Variants in CABLES2 observed in about 807,000 individuals in gnomAD.
CABLES2 encodes CDK5 and ABL1 enzyme substrate 2.
Under a neutral mutation model 44.8 loss-of-function variants are expected in CABLES2, and 35 were observed. That is an observed-to-expected ratio of 0.78 (90% CI 0.60 to 1.04). The LOEUF is 1.04. CABLES2 is among the 50% of genes least tolerant of loss of function. The probability of loss-of-function intolerance (pLI) is 0.00; values close to 1 mark genes in which losing one functional copy is unlikely to be tolerated. For synonymous variants in CABLES2, 282 were observed against 281.1 expected (o/e 1.00, Z -0.03); for missense variants, 566 against 615.7 (o/e 0.92, Z 0.85).
rs1362741430 is a variant in CABLES2 at position 62,398,351 on chromosome 20, A to G, written c.363-1759T>C. On this transcript the variant is annotated intron_variant, in intron 1 of 9. Coordinates refer to ENST00000279101, the MANE Select transcript of CABLES2 (RefSeq NM_031215.3). The stretch of plus-strand genomic sequence containing the variant: ...GGTGACGATGGTGGTGATGGTGATG[A>G]CGGTGGTGATGGCGGTGGTGGTAAT... 1.8e-4 allele frequency among the ~76,000 whole-genome samples: 26 copies of G among 141,624 alleles called. 1 individual carries two copies. The highest frequency in any genetic ancestry group is 1.1e-4 in the Non-Finnish European group (7 of 64,480). 92.9% of individuals were successfully genotyped at this position (141,624 alleles called of 152,430 possible). A position where few individuals can be genotyped will look rare whatever the true frequency, so the allele number is the denominator to read the frequency against.
intron 1 of CABLES2, among the ~76,000 whole-genome samples, chr20:62,406,696 C>T (rs889223199): frequency 9.9e-5 from 5 of 50,722 alleles, no homozygotes; most frequent in African/African-American, 6.5e-4. Context: ...GGGCTCAGGT[C>T]ACCTGAACCT....
rs1047227927 is a variant in CABLES2 at position 62,396,862 on chromosome 20, A to G, written c.363-270T>C. ...AGGCTCCTCAGGCATAGGATAGCACAGCACAGCACAGCACGCCAACCTGCC... is the reference window on the plus strand; with the variant it reads ...AGGCTCCTCAGGCATAGGATAGCACGGCACAGCACAGCACGCCAACCTGCC... On this transcript the variant is annotated intron_variant, in intron 1 of 9. Coordinates refer to ENST00000279101, the MANE Select transcript of CABLES2 (RefSeq NM_031215.3). This position sits in a 1 kb window ranked among gnomAD's most constrained non-coding sequence, Gnocchi z 5.7. Among the ~76,000 whole-genome samples, 2 of 152,072 alleles carry G rather than the reference A, an allele frequency of 1.3e-5. No individual in the cohort carries two copies.
At chr20:62,401,419 C>T (rs984597457) in intron 1 of CABLES2, among the ~76,000 whole-genome samples, 3 of 152,184 alleles carry the variant, frequency 2.0e-5, no homozygotes, top group Admixed American at 1.3e-4. Flanking sequence ...GCTGACGGGA[C>T]GGGCACTGGC....
At position 62,397,978 on chromosome 20, in the gene CABLES2, T is replaced by C. The variant is rs1376668139; in HGVS notation, c.363-1386A>G. 2.4e-3 allele frequency among the ~76,000 whole-genome samples: 264 copies of C among 112,198 alleles called. 1 individual carries two copies. The highest frequency in any genetic ancestry group is 0.011 in the African/African-American group (248 of 23,548). 73.6% of individuals were successfully genotyped at this position (112,198 alleles called of 152,430 possible). On this transcript the variant is annotated intron_variant, in intron 1 of 9. Coordinates refer to ENST00000279101, the MANE Select transcript of CABLES2 (RefSeq NM_031215.3). ...GTGGTGGTGATGGTGGTGACAGTGG[T>C]GATGGCGGTGGTGGTGATGATGGTG... is the stretch of plus-strand genomic sequence containing the variant.
rs1185111936 is a variant in CABLES2 at position 62,393,497 on chromosome 20, G to A, written c.823C>T (p.Pro275Ser). 4 of 1,613,192 alleles carry A rather than the reference G, an allele frequency of 2.5e-6. No individual in the cohort carries two copies. Among genetic ancestry groups the A allele is most frequent in the Admixed American group, 1.7e-5 (1 of 59,920 alleles). Residue 275 changes from proline (P) to serine (S), a missense_variant, in exon 6 of 10, where the codon CCA becomes TCA. By Grantham distance (74) the Pro-to-Ser change is moderately conservative. Coordinates refer to ENST00000279101, the MANE Select transcript of CABLES2 (RefSeq NM_031215.3). The stretch of plus-strand genomic sequence containing the variant: ...GGGGCAGGTTTATGTCTTGACCCTG[G>A]CAGAGTCCGGGGGACACTGGGCCGA... ...TPRPSVPRTL[P>S]GSRHKPAPTK... is the part of the protein sequence containing the mutation.
chr20:62,393,557 G>GC lies in CABLES2; in HGVS notation c.762_763insG (p.His255AlafsTer4). ...AGCAGGCCATGGCTGTCACTCTTGT[G>GC]TGTGACCAGGGCGTTGGTGGGATAC... On this transcript the variant is annotated frameshift_variant, in exon 6 of 10. Coordinates refer to ENST00000279101, the MANE Select transcript of CABLES2 (RefSeq NM_031215.3). LOFTEE classifies it high-confidence loss of function. The GC allele has an allele frequency of 6.2e-7, 1 of 1,612,296 alleles. No homozygotes were observed. Among genetic ancestry groups the GC allele is most frequent in the Non-Finnish European group, 8.5e-7 (1 of 1,179,044 alleles).
At position 62,394,257 on chromosome 20, in the gene CABLES2, C is replaced by G. The variant is rs1015771315; in HGVS notation, c.614G>C (p.Arg205Thr). Residue 205 changes from arginine (R) to threonine (T), a missense_variant, in exon 5 of 10, where the codon AGG becomes ACG. By Grantham distance (71) the Arg-to-Thr change is moderately conservative. This residue lies in a region of CABLES2 where 436 missense variants were observed against 536.3 expected (regional missense o/e 0.81). Transcript: ENST00000279101. ...YGEGLRISDLRVDSQKQRHPS... is the reference protein window; with the variant it reads ...YGEGLRISDLTVDSQKQRHPS... ...GTGCCTCTGCTTCTGGCTGTCCACC[C>G]TCAGGTCACTGCAAACATGGGAGAG... The G allele has an allele frequency of 6.2e-7, 1 of 1,613,146 alleles. No individual in the cohort carries two copies. The highest frequency in any genetic ancestry group is 8.5e-7 in the Non-Finnish European group (1 of 1,179,888).
chr20:62,396,455 G>T lies in CABLES2; in HGVS notation c.435-48C>A. 6.2e-7 allele frequency: 1 copy of T among 1,612,698 alleles called. No homozygotes were observed. ...CACTCTTTTCCTCCCAGGACCCTCT[G>T]GCCCCGCAGGGGTCAGTGGCAGCCC... On this transcript the variant is annotated intron_variant, in intron 2 of 9. Transcript: ENST00000279101. The surrounding 1 kb of genome is among the most constrained non-coding windows in gnomAD (Gnocchi z 5.7).
At chr20:62,398,071 C>CGGTGGTGGTGGTGGTGAT (rs1988080628) in intron 1 of CABLES2, among the ~76,000 whole-genome samples, 8 of 68,300 alleles carry the variant, frequency 1.2e-4, no homozygotes, top group South Asian at 8.5e-4. Flanking sequence ...GTGGTGGTGA[C>CGGTGGTGGTGGTGGTGAT]GGTGGTGGTG....
rs1326335538 is a variant in CABLES2, at chr20:62,388,898, C to T, written c.*2073G>A. On this transcript the variant is annotated 3_prime_UTR_variant, in exon 10 of 10. Coordinates refer to ENST00000279101, the MANE Select transcript of CABLES2 (RefSeq NM_031215.3). The stretch of plus-strand genomic sequence containing the variant: ...AACTACTGGCTTTGTTGCAATAATC[C>T]TCGAATACCACACAGTGGCAGCTTT... 2 of 199,032 alleles carry T rather than the reference C, an allele frequency of 1.0e-5. No individual in the cohort carries two copies. Among genetic ancestry groups the T allele is most frequent in the African/African-American group, 4.7e-5 (2 of 42,452 alleles). The allele number at this position is 199,032 out of a possible 1,614,324, so 12.3% of individuals were successfully genotyped here. A position where few individuals can be genotyped will look rare whatever the true frequency, so the allele number is the denominator to read the frequency against.
intron 1 of CABLES2, among the ~76,000 whole-genome samples, chr20:62,397,595 C>T (rs556716859): frequency 6.6e-6 from 1 of 152,330 alleles, no homozygotes; most frequent in Non-Finnish European, 1.5e-5. Flanking sequence ...TTCAGTAACT[C>T]TCAGGGTCAC....
rs1305743487 is a variant in CABLES2, at chr20:62,392,484, T to C, written c.996A>G (p.Ile332Met). 1.2e-6 allele frequency: 2 copies of C among 1,613,786 alleles called. No homozygotes were observed. The highest frequency in any genetic ancestry group is 2.2e-5 in the South Asian group (2 of 91,082). ...LIFASYMTTV[I>M]EYVKPSDLKK... The stretch of plus-strand genomic sequence containing the variant: ...TGAGGTCTGAGGGCTTCACGTATTC[T>C]ATCACTGTGGTCTGCAACAGAGAGT... The change falls in exon 8 of 10, where the codon ATA becomes ATG. Residue 332 changes from isoleucine to methionine, a missense_variant. By Grantham distance (10) the Ile-to-Met change is conservative. Coordinates refer to ENST00000279101, the MANE Select transcript of CABLES2 (RefSeq NM_031215.3).
At chr20:62,397,453 C>A (rs1177293612) in intron 1 of CABLES2, among the ~76,000 whole-genome samples, 2 of 152,194 alleles carry the variant, frequency 1.3e-5, no homozygotes, top group African/African-American at 4.8e-5. Context: ...AACGTGCAGG[C>A]AAATATTTGT....
In CABLES2 at chr20:62,390,848, G is replaced by C; in HGVS notation, c.*123C>G. The C allele has an allele frequency of 8.5e-7, 1 of 1,179,300 alleles. No individual in the cohort carries two copies. The highest frequency in any genetic ancestry group is 2.4e-5 in the East Asian group (1 of 42,290). The allele number at this position is 1,179,300 out of a possible 1,614,324, so 73.1% of individuals were successfully genotyped here. Reference sequence around the variant, plus strand: ...CAAAAAGGAAAGCTGCACCAGCGGAGGCCAGGTGCCTCCTGCTAGCAGGTG... The same window carrying C: ...CAAAAAGGAAAGCTGCACCAGCGGACGCCAGGTGCCTCCTGCTAGCAGGTG... On this transcript the variant is annotated 3_prime_UTR_variant, in exon 10 of 10. Coordinates refer to ENST00000279101, the MANE Select transcript of CABLES2 (RefSeq NM_031215.3).
chr20:62,406,766 G>A (rs966942698), intron 1 of CABLES2, 149 bp downstream of exon 1: 2 of 353,578 alleles, frequency 5.7e-6, no homozygotes, highest in Non-Finnish European at 9.0e-6. Context: ...CCTCTGTCCA[G>A]GGCTGACAAG....
chr20:62,403,853 A>G (rs922579231), intron 1 of CABLES2: 3 of 152,274 alleles, frequency 2.0e-5, no homozygotes, highest in African/African-American at 7.2e-5. Context: ...GGAAAGAATA[A>G]GTATTAGGAC....
Position 62,396,271 on chromosome 20 carries a change from A to G in CABLES2, c.527+44T>C. 1 of 1,550,810 alleles carries G rather than the reference A, an allele frequency of 6.4e-7. No homozygotes were observed. Among genetic ancestry groups the G allele is most frequent in the Non-Finnish European group, 8.9e-7 (1 of 1,123,068 alleles). ...GACAGGGGCAGGACCCCGTGGGCTTATGGAGACCACAGCCCTGGCCCGGTT... is the reference window on the plus strand; with the variant it reads ...GACAGGGGCAGGACCCCGTGGGCTTGTGGAGACCACAGCCCTGGCCCGGTT... On this transcript the variant is annotated intron_variant, in intron 3 of 9. Coordinates refer to ENST00000279101, the MANE Select transcript of CABLES2 (RefSeq NM_031215.3). The surrounding 1 kb of genome is among the most constrained non-coding windows in gnomAD (Gnocchi z 5.7).
rs182894361 is a variant in CABLES2 at position 62,391,043 on chromosome 20, G to A, written c.1365C>T (p.Ala455=). Residue 455 remains alanine, a synonymous_variant, in exon 10 of 10, where the codon GCC becomes GCT. Transcript: ENST00000279101. This position sits in a 1 kb window ranked among gnomAD's most constrained non-coding sequence, Gnocchi z 5.7. ...LIGFEFTVLV[A]LELALYLPEN... is the part of the protein sequence containing the mutation. ...CGGGAAGATACAGGGCCAGCTCCAA[G>A]GCCACGAGCACTGTGAACTCAAACC... 1 of 1,614,162 alleles carries A rather than the reference G, an allele frequency of 6.2e-7. No individual in the cohort carries two copies. The highest frequency in any genetic ancestry group is 8.5e-7 in the Non-Finnish European group (1 of 1,180,042).
chr20:62,407,183 G>A lies in CABLES2; in HGVS notation c.94C>T (p.Pro32Ser). Reference protein sequence around the residue: ...PAAPTSAARAPPQALRRRGDS... With the variant: ...PAAPTSAARASPQALRRRGDS... ...CCGCGCCTCCGCAGCGCCTGCGGCGGGGCCCGAGCGGCCGAGGTCGGCGCG... is the reference window on the plus strand; with the variant it reads ...CCGCGCCTCCGCAGCGCCTGCGGCGAGGCCCGAGCGGCCGAGGTCGGCGCG... Residue 32 changes from proline to serine, a missense_variant, in exon 1 of 10, where the codon CCG becomes TCG. Pro to Ser is a moderately conservative substitution (Grantham distance 74). Around this residue, in one of 2 missense-constraint regions of CABLES2, gnomAD observed 130 missense variants for 79.4 expected, o/e 1.64. Coordinates refer to ENST00000279101, the MANE Select transcript of CABLES2 (RefSeq NM_031215.3). The A allele has an allele frequency of 1.0e-6, 1 of 991,760 alleles. No homozygotes were observed. The highest frequency in any genetic ancestry group is 1.2e-6 in the Non-Finnish European group (1 of 835,424). 61.4% of individuals were successfully genotyped at this position (991,760 alleles called of 1,614,324 possible).
Sources: allele counts gnomAD v4.1 joint callset (sites outside exome capture counted in the v4.1 genomes callset), GRCh38; gene constraint gnomAD v4.1.1; regional missense constraint gnomAD v4.1.1; non-coding constraint Gnocchi (gnomAD v3.1); transcripts MANE v1.5; gene names NCBI Gene and HGNC (gene_info 2026-07-23, HGNC 2026-07-21).